Variants in CNKSR3 observed in about 807,000 individuals in gnomAD.
The protein encoded by CNKSR3 is CNKSR family member 3.
In CNKSR3, 36 loss-of-function variants were observed where a neutral mutation model predicts 67.7. The ratio of observed to expected loss-of-function variants is 0.53; its 90% CI spans 0.41 to 0.70. CNKSR3 has a LOEUF of 0.70. CNKSR3 is among the 30% of genes least tolerant of loss of function. CNKSR3 has a pLI of 0.00. For missense variants in CNKSR3, 630 were observed against 695.2 expected, an observed-to-expected ratio of 0.91 and a Z score of 1.05; for synonymous variants, 281 against 271.4, an observed-to-expected ratio of 1.04 and a Z score of -0.35.
intron 1 of CNKSR3, among the ~76,000 whole-genome samples, chr6:154,480,133 G>A (rs1331946481): frequency 6.6e-6 from 1 of 152,192 alleles, no homozygotes; most frequent in Non-Finnish European, 1.5e-5. Context: ...GTCTGGTGCT[G>A]GGGCCGTCTC....
At chr6:154,436,528 G>T (rs1012122089) in intron 4 of CNKSR3, among the ~76,000 whole-genome samples, 15 of 151,524 alleles carry the variant, frequency 9.9e-5, no homozygotes, top group South Asian at 2.1e-4. Flanking sequence ...TCTTTTTTTT[G>T]TTGTTGTTAA....
chr6:154,428,730 G>A (rs954681638), intron 6 of CNKSR3, among the ~76,000 whole-genome samples: 12 of 150,880 alleles, frequency 8.0e-5, no homozygotes, highest in Admixed American at 5.3e-4. Flanking sequence ...TATGTTACCC[G>A]GGCTGGTTTC....
At chr6:154,409,631 T>A (rs554930187) in intron 12 of CNKSR3, among the ~76,000 whole-genome samples, 4 of 152,142 alleles carry the variant, frequency 2.6e-5, no homozygotes. Context: ...AGTGGGAGGA[T>A]CACTTGAACC....
intron 1 of CNKSR3, among the ~76,000 whole-genome samples, chr6:154,466,198 G>A (rs9478549): frequency 0.16 from 24,704 of 152,166 alleles, 2,456 homozygotes; most frequent in African/African-American, 0.28. Flanking sequence ...ACAAAAGCAG[G>A]GAGAGAGAAA....
Position 154,390,144 on chromosome 6 carries a change from T to A in CNKSR3, c.*16210A>T, listed in dbSNP as rs1403912078. On this transcript the variant is annotated 3_prime_UTR_variant, in exon 13 of 13. Transcript: ENST00000607772. ...CAAGAACTAGAATATTACTCATCAG[T>A]CACAAATCTTGTATGCTTCCCCACA... The A allele has an allele frequency of 6.6e-6, 1 of 152,212 alleles. No individual in the cohort carries two copies. The allele number at this position is 152,212 out of a possible 1,614,324, so 9.4% of individuals were successfully genotyped here. A position where few individuals can be genotyped will look rare whatever the true frequency, so the allele number is the denominator to read the frequency against.
intron 1 of CNKSR3, among the ~76,000 whole-genome samples, chr6:154,464,124 C>T (rs1180452595): frequency 6.6e-6 from 1 of 152,186 alleles, no homozygotes; most frequent in East Asian, 1.9e-4. Flanking sequence ...TGTTATACTT[C>T]TTGGTTTTGT....
At chr6:154,439,616 G>A (rs1274966784) in intron 4 of CNKSR3, among the ~76,000 whole-genome samples, 3 of 152,206 alleles carry the variant, frequency 2.0e-5, no homozygotes, top group Non-Finnish European at 4.4e-5. Flanking sequence ...ACAGGGCCAG[G>A]TGCAGTGGCT....
chr6:154,425,147 A>G (rs1444215669), intron 7 of CNKSR3, among the ~76,000 whole-genome samples: 3 of 152,214 alleles, frequency 2.0e-5, no homozygotes, highest in African/African-American at 7.2e-5. Context: ...CAGATGCTTA[A>G]CCTACAGTTA....
Position 154,400,752 on chromosome 6 carries a change from CCTTTA to C in CNKSR3, c.*5597_*5601del, listed in dbSNP as rs1421699730. The C allele has an allele frequency of 2.0e-5, 3 of 152,168 alleles. No individual in the cohort carries two copies. Among genetic ancestry groups the C allele is most frequent in the Non-Finnish European group, 2.9e-5 (2 of 68,018 alleles). The allele number at this position is 152,168 out of a possible 1,614,324, so 9.4% of individuals were successfully genotyped here. On this transcript the variant is annotated 3_prime_UTR_variant, in exon 13 of 13. Transcript: ENST00000607772. ...TCTGAACATGATGTAATCACTTTTT[CCTTTA>C]CTTATGTAAAAGGTACCCTTTGTCA...
chr6:154,410,102 C>G (rs984745288), intron 12 of CNKSR3, among the ~76,000 whole-genome samples: 31 of 152,112 alleles, frequency 2.0e-4, no homozygotes, highest in Admixed American at 1.3e-4. Flanking sequence ...TTTTACAGCA[C>G]TCAATGCTAA....
chr6:154,496,846 T>C (rs1272630556), intron 1 of CNKSR3, among the ~76,000 whole-genome samples: 1 of 152,208 alleles, frequency 6.6e-6, no homozygotes, highest in Admixed American at 6.5e-5. Context: ...TTTTCCCTCA[T>C]CCTCAAAACC....
rs990535728 is a variant in CNKSR3 at position 154,393,881 on chromosome 6, T to C, written c.*12473A>G. On this transcript the variant is annotated 3_prime_UTR_variant, in exon 13 of 13. Transcript: ENST00000607772. Reference sequence around the variant, plus strand: ...CAAAATAAATGTTTTGGGGAAAATGTAGTCTTGAGTATTAATATTAGAAAA... The same window carrying C: ...CAAAATAAATGTTTTGGGGAAAATGCAGTCTTGAGTATTAATATTAGAAAA... 2 of 152,250 alleles carry C rather than the reference T, an allele frequency of 1.3e-5. No individual in the cohort carries two copies. The allele number at this position is 152,250 out of a possible 1,614,324, so 9.4% of individuals were successfully genotyped here.
At chr6:154,441,455 A>AT in intron 3 of CNKSR3, 76 bp from the exon 4 acceptor site, 15 of 1,030,770 alleles carry the variant, frequency 1.5e-5, no homozygotes, top group Non-Finnish European at 2.1e-5. Flanking sequence ...TGGTAAGCAT[A>AT]GCTACCCCAT....
intron 12 of CNKSR3, 52 bp downstream of exon 12, chr6:154,410,289 TGG>T: frequency 1.5e-6 from 2 of 1,294,688 alleles, no homozygotes; most frequent in Admixed American, 3.4e-5. Flanking sequence ...AACCAGGCCC[TGG>T]GGCTGTTCAC....
chr6:154,440,357 A>G (rs1475279228), intron 4 of CNKSR3, among the ~76,000 whole-genome samples: 2 of 152,224 alleles, frequency 1.3e-5, no homozygotes, highest in Admixed American at 1.3e-4. Context: ...GTGGAAACAG[A>G]ATTTTAGAAC....
At position 154,406,265 on chromosome 6, in the gene CNKSR3, T is replaced by C. The variant is rs948698198; in HGVS notation, c.*89A>G. 7.2e-6 allele frequency: 9 copies of C among 1,247,348 alleles called. No individual in the cohort carries two copies. In the Admixed American group the frequency reaches 1.2e-4, roughly 17 times the overall value. 77.3% of individuals were successfully genotyped at this position (1,247,348 alleles called of 1,614,324 possible). A position where few individuals can be genotyped will look rare whatever the true frequency, so the allele number is the denominator to read the frequency against. ...GAAATTGCATAAGGTCCCTACATAA[T>C]ACTGAGGCTGAAACGAGAAGAGGCT... On this transcript the variant is annotated 3_prime_UTR_variant, in exon 13 of 13. Coordinates refer to ENST00000607772, the MANE Select transcript of CNKSR3 (RefSeq NM_173515.4).
At chr6:154,442,604 A>G (rs1785623381) in intron 2 of CNKSR3, among the ~76,000 whole-genome samples, 1 of 152,200 alleles carries the variant, frequency 6.6e-6, no homozygotes, top group Non-Finnish European at 1.5e-5. Flanking sequence ...CCTGGGCAAC[A>G]GAGGGAGACT....
intron 1 of CNKSR3, among the ~76,000 whole-genome samples, chr6:154,475,093 G>A (rs534719696): frequency 3.9e-5 from 6 of 152,236 alleles, no homozygotes; most frequent in African/African-American, 1.4e-4. Flanking sequence ...CCTTGTACAC[G>A]AGGAAGCTGA....
rs1784774656 is a variant in CNKSR3 at position 154,405,755 on chromosome 6, C to T, written c.*599G>A. ...TTCATGTATTTCTGTACCAACTGAT[C>T]TATACTGAGACTGTCATGAAAAAGG... On this transcript the variant is annotated 3_prime_UTR_variant, in exon 13 of 13. Transcript: ENST00000607772. The T allele has an allele frequency of 6.5e-6, 1 of 153,060 alleles. No individual in the cohort carries two copies. The highest frequency in any genetic ancestry group is 2.1e-4 in the South Asian group (1 of 4,842). 9.5% of individuals were successfully genotyped at this position (153,060 alleles called of 1,614,324 possible).
Sources: gnomAD v4.1 joint callset for allele counts (sites outside exome capture counted in the v4.1 genomes callset) on GRCh38, gnomAD v4.1.1 for gene constraint, MANE v1.5 for transcripts, NCBI Gene and HGNC (gene_info 2026-07-23, HGNC 2026-07-21) for gene names.